PARN: variants seen among roughly 807,000 people sequenced by gnomAD.
PARN encodes poly(A)-specific ribonuclease.
PARN carries 71 observed loss-of-function variants against 102.8 expected under a neutral mutation model. The ratio of observed to expected loss-of-function variants is 0.69; its 90% confidence interval spans 0.57 to 0.84. The LOEUF is 0.84. PARN is among the 40% of genes least tolerant of loss of function. The pLI, the probability that PARN is intolerant of heterozygous loss-of-function variation, is 0.00. For synonymous variants in PARN, 261 were observed against 252.9 expected (o/e 1.03, Z -0.30); for missense variants, 782 against 760.9 (o/e 1.03, Z -0.33).
intron 22 of PARN, among the ~76,000 whole-genome samples, chr16:14,457,851 A>T (rs1961754062): frequency 6.6e-6 from 1 of 150,600 alleles, no homozygotes. Context: ...CTTAACATTA[A>T]ATAAGGTCTG....
chr16:14,559,569 G>A (rs976872815), intron 18 of PARN, among the ~76,000 whole-genome samples: 2 of 150,854 alleles, frequency 1.3e-5, no homozygotes, highest in African/African-American at 2.4e-5. Flanking sequence ...ACAATCCAAC[G>A]ACACTCTATT....
At chr16:14,448,152 T>A (rs1159693798) in intron 22 of PARN, among the ~76,000 whole-genome samples, 1 of 136,708 alleles carries the variant, frequency 7.3e-6, no homozygotes, top group African/African-American at 2.5e-5. Flanking sequence ...GTCTGGCTAA[T>A]TTTTTTTTTT....
At chr16:14,553,859 T>C (rs984350386) in intron 20 of PARN, among the ~76,000 whole-genome samples, 2 of 152,358 alleles carry the variant, frequency 1.3e-5, no homozygotes, top group South Asian at 4.1e-4. Flanking sequence ...TTAATAGCTC[T>C]GTATTGTGAG....
intron 21 of PARN, among the ~76,000 whole-genome samples, chr16:14,531,386 T>C (rs1030678018): frequency 1.3e-5 from 2 of 151,744 alleles, no homozygotes; most frequent in Admixed American, 6.6e-5. Flanking sequence ...GATGAATCCA[T>C]CTAATAGGGT....
chr16:14,496,744 G>T (rs1044753832), intron 21 of PARN, among the ~76,000 whole-genome samples: 2 of 152,116 alleles, frequency 1.3e-5, no homozygotes, highest in African/African-American at 2.4e-5. Context: ...TATCTTTAAG[G>T]TCTGCTTATT....
intron 12 of PARN, among the ~76,000 whole-genome samples, chr16:14,596,240 AAAG>A (rs1469231001): frequency 1.3e-5 from 2 of 152,158 alleles, no homozygotes; most frequent in Admixed American, 1.3e-4. Flanking sequence ...ACCAGAAAGC[AAAG>A]AAGTGCTCAG....
intron 21 of PARN, among the ~76,000 whole-genome samples, chr16:14,508,900 T>TAA (rs973677995): frequency 2.0e-5 from 3 of 148,138 alleles, no homozygotes; most frequent in Non-Finnish European, 4.5e-5. Flanking sequence ...TCTCTTAATT[T>TAA]AAAATATATA....
At position 14,629,640 on chromosome 16, in the gene PARN, G is replaced by A. The variant is rs2151826842; in HGVS notation, c.54C>T (p.Ala18=). ...FKSNLHKVYQ[A]IEEADFFAID... ...TGGCGAAGAAGTCGGCCTCCTCTAT[G>A]GCCTGGTACACTTTGTGAAGATTAC... Residue 18 remains alanine (A), a synonymous_variant, in exon 2 of 24, where the codon GCC becomes GCT. Transcript: ENST00000437198. 8 of 1,613,454 alleles carry A rather than the reference G, an allele frequency of 5.0e-6. No individual in the cohort carries two copies. The highest frequency in any genetic ancestry group is 1.7e-5 in the Admixed American group (1 of 60,018).
At chr16:14,573,027 T>C (rs1404354307) in intron 18 of PARN, among the ~76,000 whole-genome samples, 1 of 152,026 alleles carries the variant, frequency 6.6e-6, no homozygotes, top group Non-Finnish European at 1.5e-5. Flanking sequence ...TAGCTGGGAC[T>C]ACAGGCATGT....
At chr16:14,613,414 G>A (rs977626380) in intron 6 of PARN, among the ~76,000 whole-genome samples, 2 of 151,742 alleles carry the variant, frequency 1.3e-5, no homozygotes, top group East Asian at 1.9e-4. Context: ...TTAAGATCAA[G>A]AGTTTAAGAC....
intron 21 of PARN, among the ~76,000 whole-genome samples, chr16:14,541,287 G>C (rs990072843): frequency 6.6e-6 from 1 of 151,620 alleles, no homozygotes; most frequent in Non-Finnish European, 1.5e-5. Context: ...AAAACAGGAA[G>C]TTAGAGAAGA....
intron 9 of PARN, among the ~76,000 whole-genome samples, chr16:14,607,751 C>T (rs1023067072): frequency 2.0e-5 from 3 of 152,152 alleles, no homozygotes; most frequent in Non-Finnish European, 4.4e-5. Flanking sequence ...AACAGAAGAA[C>T]AAGGTCCCCA....
intron 22 of PARN, among the ~76,000 whole-genome samples, chr16:14,473,371 C>T (rs1391715570): frequency 6.6e-6 from 1 of 152,150 alleles, no homozygotes; most frequent in Non-Finnish European, 1.5e-5. Flanking sequence ...TTGAATTTGC[C>T]AACATTTACT....
At chr16:14,573,726 G>T (rs889806046) in intron 18 of PARN, among the ~76,000 whole-genome samples, 1 of 152,154 alleles carries the variant, frequency 6.6e-6, no homozygotes, top group Admixed American at 6.5e-5. Flanking sequence ...GATAGTGAGT[G>T]AGTCTCACGA....
At chr16:14,495,258 G>A (rs765874046) in intron 21 of PARN, among the ~76,000 whole-genome samples, 3 of 152,108 alleles carry the variant, frequency 2.0e-5, no homozygotes, top group East Asian at 3.9e-4. Flanking sequence ...AGGACAAGGC[G>A]AGAGGATCAC....
At chr16:14,533,561 C>G (rs2151674822) in intron 21 of PARN, among the ~76,000 whole-genome samples, 1 of 152,226 alleles carries the variant, frequency 6.6e-6, no homozygotes, top group South Asian at 2.1e-4. Flanking sequence ...CCCCGCTGCC[C>G]CACAGCTGCT....
chr16:14,441,675 C>T (rs1472161089), intron 23 of PARN, among the ~76,000 whole-genome samples: 1 of 152,236 alleles, frequency 6.6e-6, no homozygotes, highest in Non-Finnish European at 1.5e-5. Flanking sequence ...AGTGCCCTGC[C>T]TCTGCCTCAC....
At chr16:14,587,088 C>T (rs1030505776) in intron 13 of PARN, among the ~76,000 whole-genome samples, 1 of 152,184 alleles carries the variant, frequency 6.6e-6, no homozygotes. Context: ...TTGTAAACTA[C>T]ACTTCTCTTC....
intron 11 of PARN, among the ~76,000 whole-genome samples, chr16:14,601,418 T>C (rs1407060926): frequency 6.6e-6 from 1 of 152,026 alleles, no homozygotes; most frequent in Non-Finnish European, 1.5e-5. Flanking sequence ...TGACAGTAAG[T>C]AGAATAGTGG....
Sources: allele counts gnomAD v4.1 joint callset (sites outside exome capture counted in the v4.1 genomes callset), GRCh38; gene constraint gnomAD v4.1.1; transcripts MANE v1.5; gene names NCBI Gene and HGNC (gene_info 2026-07-23, HGNC 2026-07-21).